The following RBMS3 variants were observed in gnomAD, a reference collection of about 807,000 sequenced individuals.
RBMS3 encodes RNA binding motif single stranded interacting protein 3.
In RBMS3, 27 loss-of-function variants were observed where a neutral mutation model predicts 66.8. The ratio of observed to expected loss-of-function variants is 0.40; its 90% confidence interval spans 0.30 to 0.56. The LOEUF is 0.56. Among genes scored for constraint, RBMS3 ranks in the 20% least tolerant of loss-of-function variants. RBMS3 has a pLI of 0.40. For synonymous variants in RBMS3, 188 were observed against 183.0 expected (o/e 1.03, Z -0.22); for missense variants, 513 against 549.5 (o/e 0.93, Z 0.66).
intron 12 of RBMS3, among the ~76,000 whole-genome samples, chr3:29,976,063 T>A (rs929114474): frequency 2.0e-5 from 3 of 151,980 alleles, no homozygotes; most frequent in African/African-American, 7.2e-5. Context: ...TTCTAGTTAT[T>A]TTGGTTTTTG....
intron 12 of RBMS3, among the ~76,000 whole-genome samples, chr3:29,954,936 A>AT (rs1695929541): frequency 6.6e-6 from 1 of 152,102 alleles, no homozygotes; most frequent in South Asian, 2.1e-4. Flanking sequence ...TTAGTAGATA[A>AT]TTATCCCTAC....
chr3:29,859,640 C>T (rs1326868120), intron 6 of RBMS3, among the ~76,000 whole-genome samples: 1 of 152,178 alleles, frequency 6.6e-6, no homozygotes. Context: ...AATTACATAC[C>T]TAGCTACGCC....
In RBMS3 at chr3:29,622,999, C is replaced by T. The variant is rs536618442; in HGVS notation, c.399+35794C>T. ...GGGTGTGGTGGCGGGCGCCTGTAGT[C>T]CCAGCTACTAGGGAGGCTGAGGAAG... is the stretch of plus-strand genomic sequence containing the variant. On this transcript the variant is annotated intron_variant, in intron 4 of 14. Coordinates refer to ENST00000383767, the MANE Select transcript of RBMS3 (RefSeq NM_001003793.3). Among the ~76,000 whole-genome samples, 4 of 150,124 alleles carry T rather than the reference C, an allele frequency of 2.7e-5. No individual in the cohort carries two copies. In the South Asian group the frequency reaches 6.4e-4, roughly 24 times the overall value.
rs188814354 is a variant in RBMS3, at chr3:29,738,513, T to A, written c.400-1207T>A. Among the ~76,000 whole-genome samples the A allele has an allele frequency of 2.4e-4, 37 of 152,346 alleles. No individual in the cohort carries two copies. In the East Asian group the frequency reaches 6.2e-3, roughly 25 times the overall value. On this transcript the variant is annotated intron_variant, in intron 4 of 14. Transcript: ENST00000383767. Reference sequence around the variant, plus strand: ...TTGATACACACAGAAATAATGCTAGTAATTGTGGTTTGGTTTCCCATTCTA... The same window carrying A: ...TTGATACACACAGAAATAATGCTAGAAATTGTGGTTTGGTTTCCCATTCTA...
intron 1 of RBMS3, among the ~76,000 whole-genome samples, chr3:29,301,679 C>G (rs985986599): frequency 2.6e-5 from 4 of 152,060 alleles, no homozygotes; most frequent in African/African-American, 9.6e-5. Flanking sequence ...TTTTGAATGA[C>G]CGACTGACTG....
intron 4 of RBMS3, among the ~76,000 whole-genome samples, chr3:29,688,613 TTG>T (rs1335641872): frequency 7.5e-6 from 1 of 132,986 alleles, no homozygotes; most frequent in Non-Finnish European, 1.6e-5. Context: ...AGATGGAGTC[TTG>T]CTCTGTCACC....
intron 1 of RBMS3, among the ~76,000 whole-genome samples, chr3:29,315,982 A>T (rs1456880246): frequency 6.6e-6 from 1 of 151,644 alleles, no homozygotes; most frequent in Non-Finnish European, 1.5e-5. Context: ...TTTATGATGA[A>T]TTTACTTTAG....
chr3:29,692,609 C>T (rs552576982), intron 4 of RBMS3, among the ~76,000 whole-genome samples: 12 of 152,130 alleles, frequency 7.9e-5, no homozygotes, highest in Non-Finnish European at 1.5e-4. Flanking sequence ...CATGTGTTTT[C>T]CTCTTCCCAT....
At chr3:29,778,900 C>T (rs776505485) in intron 6 of RBMS3, among the ~76,000 whole-genome samples, 6 of 151,836 alleles carry the variant, frequency 4.0e-5, no homozygotes, top group Non-Finnish European at 7.4e-5. Context: ...AGAGGGGATA[C>T]ACTATAGGAG....
chr3:29,944,129 T>C (rs1319911844), intron 11 of RBMS3, 78 bp from the exon 12 acceptor site: 4 of 1,335,754 alleles, frequency 3.0e-6, no homozygotes, highest in Non-Finnish European at 4.3e-6. Flanking sequence ...AGCGGACTCT[T>C]CCACGTGTTA....
chr3:29,355,179 A>C (rs1042656889), intron 1 of RBMS3, among the ~76,000 whole-genome samples: 1 of 152,098 alleles, frequency 6.6e-6, no homozygotes, highest in Non-Finnish European at 1.5e-5. Context: ...GGGCCATGTC[A>C]ATCTTGCCTG....
intron 1 of RBMS3, among the ~76,000 whole-genome samples, chr3:29,285,191 C>T (rs563095247): frequency 7.7e-6 from 1 of 130,048 alleles, no homozygotes; most frequent in African/African-American, 2.9e-5. Flanking sequence ...TTATGAGATC[C>T]CAGCTGAATT....
At chr3:29,834,827 A>C (rs1482483674) in intron 6 of RBMS3, among the ~76,000 whole-genome samples, 3 of 151,998 alleles carry the variant, frequency 2.0e-5, no homozygotes, top group African/African-American at 7.2e-5. Context: ...ATTTCCAATC[A>C]AAATATACAC....
intron 6 of RBMS3, among the ~76,000 whole-genome samples, chr3:29,846,693 T>TAA (rs552707934): frequency 2.0e-5 from 3 of 152,118 alleles, no homozygotes; most frequent in South Asian, 4.1e-4. Context: ...AAATACTCTC[T>TAA]AAAAAAATGT....
chr3:29,563,676 TA>T (rs1204513638), intron 3 of RBMS3, among the ~76,000 whole-genome samples: 1 of 152,152 alleles, frequency 6.6e-6, no homozygotes, highest in Admixed American at 6.5e-5. Flanking sequence ...AATAACTTTT[TA>T]AAAAAACTTC....
chr3:29,932,728 T>C (rs970357139), intron 10 of RBMS3, among the ~76,000 whole-genome samples: 1 of 152,164 alleles, frequency 6.6e-6, no homozygotes, highest in Non-Finnish European at 1.5e-5. Context: ...ATATTGAACT[T>C]TCAAAGACTT....
intron 1 of RBMS3, among the ~76,000 whole-genome samples, chr3:29,333,598 C>G (rs1438749930): frequency 6.6e-6 from 1 of 152,086 alleles, no homozygotes; most frequent in Non-Finnish European, 1.5e-5. Context: ...TTAGTATAGT[C>G]CCTATTCTCA....
At chr3:29,354,531 T>C (rs2037106413) in intron 1 of RBMS3, among the ~76,000 whole-genome samples, 1 of 152,162 alleles carries the variant, frequency 6.6e-6, no homozygotes, top group African/African-American at 2.4e-5. Context: ...TAGATATAGA[T>C]ATTCTTGACT....
intron 3 of RBMS3, among the ~76,000 whole-genome samples, chr3:29,579,322 T>C (rs1312740315): frequency 1.3e-5 from 2 of 152,088 alleles, no homozygotes; most frequent in Non-Finnish European, 2.9e-5. Context: ...CTGAAACTAT[T>C]GAGTGTGAAT....
Sources: gnomAD v4.1 joint callset for allele counts (sites outside exome capture counted in the v4.1 genomes callset) on GRCh38, gnomAD v4.1.1 for gene constraint, MANE v1.5 for transcripts, NCBI Gene and HGNC (gene_info 2026-07-23, HGNC 2026-07-21) for gene names.